NRXN3: variants seen among roughly 807,000 people sequenced by gnomAD.
NRXN3 encodes neurexin 3, also known as neurexin III.
Under a neutral mutation model 137.6 loss-of-function variants are expected in NRXN3, and 32 were observed. That is an observed-to-expected ratio of 0.23 (90% CI 0.18 to 0.31). NRXN3 has a LOEUF of 0.31. Among genes scored for constraint, NRXN3 ranks in the 10% least tolerant of loss-of-function variants. The pLI, the probability that NRXN3 is intolerant of heterozygous loss-of-function variation, is 1.00. For missense variants in NRXN3, 1,574 were observed against 2,062.5 expected, an observed-to-expected ratio of 0.76 and a Z score of 4.59; for synonymous variants, 798 against 784.5, an observed-to-expected ratio of 1.02 and a Z score of -0.29.
intron 2 of NRXN3, among the ~76,000 whole-genome samples, chr14:78,249,481 A>G (rs1265550725): frequency 6.6e-6 from 1 of 152,118 alleles, no homozygotes; most frequent in Admixed American, 6.6e-5. Context: ...TTCACAGGGC[A>G]GATGAGGTGG....
At chr14:79,801,600 G>A (rs2099181310) in intron 19 of NRXN3, among the ~76,000 whole-genome samples, 1 of 152,100 alleles carries the variant, frequency 6.6e-6, no homozygotes, top group African/African-American at 2.4e-5. Context: ...GAGGAGTTGG[G>A]ATTCACAGTT....
At chr14:79,826,963 G>A (rs1195873670) in intron 20 of NRXN3, among the ~76,000 whole-genome samples, 2 of 152,090 alleles carry the variant, frequency 1.3e-5, no homozygotes, top group Non-Finnish European at 2.9e-5. Flanking sequence ...AAGGACCTGT[G>A]TTTCATCTAG....
chr14:78,197,085 A>C (rs1234024948), intron 1 of NRXN3, among the ~76,000 whole-genome samples: 1 of 152,146 alleles, frequency 6.6e-6, no homozygotes, highest in Non-Finnish European at 1.5e-5. Context: ...GGAGCTGCGG[A>C]AGTGTGGCAG....
intron 2 of NRXN3, among the ~76,000 whole-genome samples, chr14:78,248,447 ATT>A (rs1354967077): frequency 6.6e-6 from 1 of 151,350 alleles, no homozygotes; most frequent in Non-Finnish European, 1.5e-5. Flanking sequence ...TTTATTGAGA[ATT>A]TATGACTCTT....
chr14:79,265,975 G>A (rs1286383413), intron 15 of NRXN3, among the ~76,000 whole-genome samples: 3 of 152,140 alleles, frequency 2.0e-5, no homozygotes, highest in Non-Finnish European at 2.9e-5. Context: ...CAGGAGAGAC[G>A]TGGGACAGGA....
chr14:79,661,679 A>C (rs1249532868), intron 16 of NRXN3: 1 of 152,130 alleles, frequency 6.6e-6, no homozygotes, highest in Admixed American at 6.6e-5. Flanking sequence ...GATTTAGAAA[A>C]ACTCTTTTCT....
At chr14:79,629,774 C>T (rs938469689) in intron 16 of NRXN3, among the ~76,000 whole-genome samples, 5 of 151,522 alleles carry the variant, frequency 3.3e-5, no homozygotes, top group Admixed American at 1.3e-4. Context: ...TTCAAATGCA[C>T]GGTGATAAAG....
chr14:79,071,784 A>G (rs1330016896), intron 15 of NRXN3, among the ~76,000 whole-genome samples: 2 of 152,190 alleles, frequency 1.3e-5, no homozygotes, highest in Non-Finnish European at 2.9e-5. Flanking sequence ...TATAATCAAT[A>G]ATATCTTCAT....
chr14:79,361,444 C>T (rs1030594410), intron 15 of NRXN3, among the ~76,000 whole-genome samples: 3 of 152,140 alleles, frequency 2.0e-5, no homozygotes, highest in African/African-American at 4.8e-5. Flanking sequence ...CTGCTGAGTG[C>T]GGTGGCTCAT....
rs143380480 is a variant in NRXN3 at position 78,852,983 on chromosome 14, C to G, written c.2275+42639C>G. On this transcript the variant is annotated intron_variant, in intron 10 of 20. Coordinates refer to ENST00000335750, the MANE Select transcript of NRXN3 (RefSeq NM_001330195.2). Reference sequence around the variant, plus strand: ...CTTATTTCACTTAACATAATGACCCCCAGTTCCATCCATATTGATGCAAAT... The same window carrying G: ...CTTATTTCACTTAACATAATGACCCGCAGTTCCATCCATATTGATGCAAAT... Among the ~76,000 whole-genome samples, 164 of 152,064 alleles carry G rather than the reference C, an allele frequency of 1.1e-3. 6 individuals carry two copies. The East Asian group carries it at 0.029, about 27-fold the overall frequency.
intron 15 of NRXN3, among the ~76,000 whole-genome samples, chr14:78,993,834 A>T (rs1294742569): frequency 4.5e-5 from 3 of 67,008 alleles, no homozygotes; most frequent in Non-Finnish European, 6.3e-5. Flanking sequence ...GAGCCTTGAA[A>T]TTTTTTTTTT....
chr14:78,235,016 A>ATGTG (rs1555418639), intron 1 of NRXN3, among the ~76,000 whole-genome samples: 12 of 94,030 alleles, frequency 1.3e-4, no homozygotes, highest in Middle Eastern at 6.0e-3. Flanking sequence ...ATATATATAT[A>ATGTG]TATATATGTG....
chr14:79,234,293 A>AATATATATATATATATAT (rs71131687), intron 15 of NRXN3, among the ~76,000 whole-genome samples: 1 of 56,192 alleles, frequency 1.8e-5, no homozygotes, highest in Non-Finnish European at 3.2e-5. Flanking sequence ...TTCAATGGTA[A>AATATATATATATATATAT]ATATATATAT....
chr14:79,714,663 A>T (rs995282907), intron 19 of NRXN3, among the ~76,000 whole-genome samples: 3 of 152,200 alleles, frequency 2.0e-5, no homozygotes, highest in African/African-American at 7.2e-5. Context: ...AATTACATAA[A>T]ACAATGCCAG....
chr14:78,963,391 C>G (rs1205669529), intron 11 of NRXN3, among the ~76,000 whole-genome samples: 1 of 152,118 alleles, frequency 6.6e-6, no homozygotes, highest in African/African-American at 2.4e-5. Flanking sequence ...ATTAGCATGA[C>G]TAGCAGCATC....
rs962464929 is a variant in NRXN3 at position 79,150,747 on chromosome 14, G to A, written c.3262+162606G>A. Among the ~76,000 whole-genome samples the A allele has an allele frequency of 3.3e-5, 5 of 151,180 alleles. No homozygotes were observed. The East Asian group carries it at 9.8e-4, about 30-fold the overall frequency. On this transcript the variant is annotated intron_variant, in intron 15 of 20. Coordinates refer to ENST00000335750, the MANE Select transcript of NRXN3 (RefSeq NM_001330195.2). ...GAAAAAGAAATTACAGCTTCATTAA[G>A]TAACACCAGAATAAACTCCAAGAAG...
At chr14:79,541,272 G>A (rs766563544) in intron 16 of NRXN3, among the ~76,000 whole-genome samples, 20 of 152,050 alleles carry the variant, frequency 1.3e-4, no homozygotes, top group Non-Finnish European at 2.5e-4. Context: ...GTGTGGTGGC[G>A]CATGCCTGTA....
At chr14:78,497,582 TCATCCATCCATCCATC>T (rs3036594) in intron 4 of NRXN3, among the ~76,000 whole-genome samples, 21 of 150,790 alleles carry the variant, frequency 1.4e-4, no homozygotes, top group East Asian at 4.0e-4. Flanking sequence ...GTCTGTCCAT[TCATCCATCCATCCATC>T]CATCCATCCA....
intron 15 of NRXN3, among the ~76,000 whole-genome samples, chr14:79,121,591 A>G (rs887476230): frequency 6.6e-6 from 1 of 152,210 alleles, no homozygotes; most frequent in Non-Finnish European, 1.5e-5. Context: ...ATAAAATGGC[A>G]CATGGGTTTA....
Sources: gnomAD v4.1 joint callset for allele counts (sites outside exome capture counted in the v4.1 genomes callset) on GRCh38, gnomAD v4.1.1 for gene constraint, MANE v1.5 for transcripts, NCBI Gene and HGNC (gene_info 2026-07-23, HGNC 2026-07-21) for gene names.